Variants in CBLB observed in about 807,000 individuals in gnomAD.
The protein encoded by CBLB is Cbl proto-oncogene B.
CBLB carries 31 observed loss-of-function variants against 104.9 expected under a neutral mutation model. That is an observed-to-expected ratio of 0.30 (90% CI 0.22 to 0.40). CBLB has a LOEUF of 0.40. Among genes scored for constraint, CBLB ranks in the 10% least tolerant of loss-of-function variants. CBLB has a pLI of 1.00. For synonymous variants in CBLB, 440 were observed against 422.6 expected (o/e 1.04, Z -0.51); for missense variants, 1,062 against 1,214.6 (o/e 0.87, Z 1.87).
At position 105,737,270 on chromosome 3, in the gene CBLB, CA is replaced by C; in HGVS notation, c.984-13del. 8.1e-6 allele frequency: 11 copies of C among 1,360,666 alleles called. No homozygotes were observed. Among genetic ancestry groups the C allele is most frequent in the Non-Finnish European group, 1.0e-5 (10 of 959,900 alleles). 84.3% of individuals were successfully genotyped at this position (1,360,666 alleles called of 1,614,324 possible). ...CAGGATAAAGATAACTGAATTTAAA[CA>C]GAAACTTTATTACCTTAAATATACA... is the stretch of plus-strand genomic sequence containing the variant. On this transcript the variant is annotated splice_polypyrimidine_tract_variant and intron_variant, in intron 7 of 18. Transcript: ENST00000394030.
chr3:105,772,060 T>C (rs1001656175), intron 4 of CBLB, among the ~76,000 whole-genome samples: 1 of 152,026 alleles, frequency 6.6e-6, no homozygotes, highest in Non-Finnish European at 1.5e-5. Flanking sequence ...AGAGACCATA[T>C]CACCAAAGCA....
intron 13 of CBLB, among the ~76,000 whole-genome samples, chr3:105,692,581 A>ACAGGGCAAGTATTAGGAAT (rs1037547218): frequency 2.0e-5 from 3 of 152,148 alleles, no homozygotes; most frequent in African/African-American, 4.8e-5. Context: ...AGATATAATT[A>ACAGGGCAAGTATTAGGAAT]CAGGGCAAGT....
intron 14 of CBLB, 40 bp downstream of exon 14, chr3:105,685,278 CTT>C (rs1319160884): frequency 6.6e-7 from 1 of 1,523,518 alleles, no homozygotes; most frequent in Admixed American, 1.7e-5. Context: ...AATGATAATG[CTT>C]ATGCAGATGT....
intron 3 of CBLB, among the ~76,000 whole-genome samples, chr3:105,843,605 A>C (rs945491007): frequency 2.0e-5 from 3 of 152,198 alleles, no homozygotes; most frequent in African/African-American, 7.2e-5. Flanking sequence ...AATGTTAAAA[A>C]AAGGTACTTA....
intron 3 of CBLB, among the ~76,000 whole-genome samples, chr3:105,811,759 G>A (rs1011611315): frequency 6.6e-6 from 1 of 151,906 alleles, no homozygotes; most frequent in Non-Finnish European, 1.5e-5. Context: ...CTCCGGGCTG[G>A]AGTGCAACGG....
intron 12 of CBLB, among the ~76,000 whole-genome samples, chr3:105,696,018 A>T (rs2068328204): frequency 6.6e-6 from 1 of 151,244 alleles, no homozygotes; most frequent in Non-Finnish European, 1.5e-5. Context: ...ACTCTCAGCA[A>T]ATATGTGTGA....
Position 105,670,232 on chromosome 3 carries a change from C to G in CBLB, c.2689+1G>C. 3 of 1,613,006 alleles carry G rather than the reference C, an allele frequency of 1.9e-6. No individual in the cohort carries two copies. Among genetic ancestry groups the G allele is most frequent in the Non-Finnish European group, 1.7e-6 (2 of 1,179,182 alleles). On this transcript the variant is annotated splice_donor_variant, in intron 18 of 18. Coordinates refer to ENST00000394030, the MANE Select transcript of CBLB (RefSeq NM_170662.5). LOFTEE classifies it high-confidence loss of function. The stretch of plus-strand genomic sequence containing the variant: ...ATTGTTACTGTTACTAGCCAACTCA[C>G]CTGAACATGAAGGAAGCTGATCATA...
intron 8 of CBLB, among the ~76,000 whole-genome samples, chr3:105,735,752 C>G (rs1368010040): frequency 6.6e-6 from 1 of 152,020 alleles, no homozygotes; most frequent in Non-Finnish European, 1.5e-5. Context: ...GGAGTTTGAT[C>G]CTGACCAACA....
intron 18 of CBLB, among the ~76,000 whole-genome samples, chr3:105,660,655 C>T (rs2063701183): frequency 6.6e-6 from 1 of 152,094 alleles, no homozygotes; most frequent in Non-Finnish European, 1.5e-5. Context: ...GGTTAAAAGC[C>T]AAACGTCTCA....
chr3:105,787,535 A>G (rs538491780), intron 3 of CBLB, among the ~76,000 whole-genome samples: 3 of 152,236 alleles, frequency 2.0e-5, no homozygotes, highest in East Asian at 1.9e-4. Context: ...AGGAGACTAG[A>G]TAACTCTGGC....
intron 13 of CBLB, among the ~76,000 whole-genome samples, chr3:105,687,721 C>G (rs1431762362): frequency 6.6e-6 from 1 of 151,152 alleles, no homozygotes; most frequent in Non-Finnish European, 1.5e-5. Context: ...GTATAATAGT[C>G]TATTTGGATT....
intron 3 of CBLB, among the ~76,000 whole-genome samples, chr3:105,851,191 A>G (rs1196203836): frequency 1.3e-5 from 2 of 152,198 alleles, no homozygotes; most frequent in African/African-American, 4.8e-5. Flanking sequence ...ATGGAGTATT[A>G]TTCAGTGGCA....
At chr3:105,670,140 A>G (rs2064910230) in intron 18 of CBLB, 93 bp downstream of exon 18, 1 of 1,114,568 alleles carries the variant, frequency 9.0e-7, no homozygotes, top group African/African-American at 1.6e-5. Context: ...GACAACATTC[A>G]TTAAATTATA....
At chr3:105,681,377 A>T in intron 16 of CBLB, 102 bp downstream of exon 16, 1 of 1,269,302 alleles carries the variant, frequency 7.9e-7, no homozygotes, top group Non-Finnish European at 1.1e-6. Flanking sequence ...AGGCAAATTC[A>T]CAACCCAGTG....
At chr3:105,738,788 T>A (rs1228009095) in intron 7 of CBLB, among the ~76,000 whole-genome samples, 1 of 152,036 alleles carries the variant, frequency 6.6e-6, no homozygotes, top group Non-Finnish European at 1.5e-5. Flanking sequence ...AAGGTATAAA[T>A]AACCGACACT....
chr3:105,753,756 T>TA (rs1482623168), intron 4 of CBLB, among the ~76,000 whole-genome samples: 1 of 152,238 alleles, frequency 6.6e-6, no homozygotes, highest in East Asian at 1.9e-4. Flanking sequence ...CCACATCTGT[T>TA]ACTATAAAAA....
chr3:105,811,959 T>C (rs1194611923), intron 3 of CBLB, among the ~76,000 whole-genome samples: 1 of 152,128 alleles, frequency 6.6e-6, no homozygotes, highest in Non-Finnish European at 1.5e-5. Context: ...CACCTTGCCC[T>C]CCCAAAGTGC....
Position 105,867,402 on chromosome 3 carries a change from G to A in CBLB, c.168+8C>T, listed in dbSNP as rs770379724. 6.2e-7 allele frequency: 1 copy of A among 1,613,988 alleles called. No individual in the cohort carries two copies. The highest frequency in any genetic ancestry group is 1.3e-5 in the African/African-American group (1 of 75,046). On this transcript the variant is annotated splice_region_variant and intron_variant, in intron 2 of 18. Transcript: ENST00000394030. The stretch of plus-strand genomic sequence containing the variant: ...TGTTTCGCACAGGCAACGTCAGACA[G>A]AACTTACCACTTTGTCCATGAGCTT...
chr3:105,800,021 AAATATGT>A lies in CBLB; in HGVS notation c.420-23486_420-23480del, dbSNP rs2082660532. 4.6e-5 allele frequency among the ~76,000 whole-genome samples: 7 copies of A among 152,348 alleles called. No individual in the cohort carries two copies. In the South Asian group the frequency reaches 1.0e-3, roughly 23 times the overall value. ...AATACCAAAGCCCACATTTTCTTAA[AAATATGT>A]GATGTCCTGGTAAAAACATTTGATA... On this transcript the variant is annotated intron_variant, in intron 3 of 18. Coordinates refer to ENST00000394030, the MANE Select transcript of CBLB (RefSeq NM_170662.5).
Sources: gnomAD v4.1 joint callset for allele counts (sites outside exome capture counted in the v4.1 genomes callset) on GRCh38, gnomAD v4.1.1 for gene constraint, MANE v1.5 for transcripts, NCBI Gene and HGNC (gene_info 2026-07-23, HGNC 2026-07-21) for gene names.